Variants in ZFP64 observed in about 807,000 individuals in gnomAD.
ZFP64 encodes zinc finger protein 64.
A neutral mutation model predicts 51.6 loss-of-function variants in ZFP64; 14 were observed. The ratio of observed to expected loss-of-function variants is 0.27; its 90% CI spans 0.18 to 0.42. The LOEUF is 0.42. Ranked by LOEUF, ZFP64 falls within the 10% of genes least tolerant of loss-of-function variation. The pLI, the probability that ZFP64 is intolerant of heterozygous loss-of-function variation, is 1.00. For synonymous variants in ZFP64, 375 were observed against 361.4 expected, an observed-to-expected ratio of 1.04 and a Z score of -0.43; for missense variants, 754 against 906.8, an observed-to-expected ratio of 0.83 and a Z score of 2.16.
At chr20:52,119,533 A>ATATATATATATATATATATATATAT (rs1555802531) in intron 5 of ZFP64, among the ~76,000 whole-genome samples, 1 of 89,832 alleles carries the variant, frequency 1.1e-5, no homozygotes, top group African/African-American at 4.7e-5. Context: ...AAAAAAAAAA[A>ATATATATATATATATATATATATAT]ATATATATAT....
intron 2 of ZFP64, among the ~76,000 whole-genome samples, chr20:52,168,783 C>A (rs1187005165): frequency 6.6e-6 from 1 of 152,240 alleles, no homozygotes; most frequent in Non-Finnish European, 1.5e-5. Context: ...TAAGCAATTA[C>A]TTTTCATCTT....
chr20:52,099,005 C>CAAAAAAA (rs58670484), intron 5 of ZFP64, among the ~76,000 whole-genome samples: 139 of 116,602 alleles, frequency 1.2e-3, no homozygotes, highest in African/African-American at 4.3e-3. Flanking sequence ...CTGTCTTTAC[C>CAAAAAAA]AAAAAAAAAA....
At chr20:52,110,461 T>C (rs2122811040) in intron 5 of ZFP64, 6 of 656,904 alleles carry the variant, frequency 9.1e-6, no homozygotes, top group South Asian at 8.2e-5. Context: ...TGGAGATCCA[T>C]GTCATCTCTA....
intron 5 of ZFP64, among the ~76,000 whole-genome samples, chr20:52,119,715 GAA>G (rs1979083012): frequency 1.3e-5 from 2 of 150,998 alleles, no homozygotes; most frequent in African/African-American, 4.9e-5. Flanking sequence ...CAGTGACAGA[GAA>G]AGACTCTGTC....
chr20:52,164,633 A>T, intron 4 of ZFP64, 62 bp downstream of exon 4: 2 of 1,387,712 alleles, frequency 1.4e-6, no homozygotes, highest in South Asian at 1.2e-5. Context: ...ACCTATGTGG[A>T]TCCCCATCTC....
chr20:52,092,849 C>T (rs1265515901), intron 7 of ZFP64, among the ~76,000 whole-genome samples: 1 of 152,136 alleles, frequency 6.6e-6, no homozygotes, highest in African/African-American at 2.4e-5. Context: ...GGAAGACTGT[C>T]TCTCAAAAAC....
intron 2 of ZFP64, among the ~76,000 whole-genome samples, chr20:52,173,658 CT>C (rs1045102468): frequency 4.3e-5 from 6 of 140,286 alleles, no homozygotes; most frequent in African/African-American, 1.0e-4. Flanking sequence ...TTTTTTTTTT[CT>C]TTTTTTTTGA....
At chr20:52,137,234 T>C (rs1418985338) in intron 5 of ZFP64, among the ~76,000 whole-genome samples, 3 of 152,212 alleles carry the variant, frequency 2.0e-5, no homozygotes, top group Non-Finnish European at 4.4e-5. Context: ...GAAGCCCTGC[T>C]CTCTATCTGA....
At chr20:52,091,212 T>C (rs1367126166) in intron 7 of ZFP64, among the ~76,000 whole-genome samples, 1 of 152,024 alleles carries the variant, frequency 6.6e-6, no homozygotes, top group African/African-American at 2.4e-5. Flanking sequence ...AGATTTAAAT[T>C]ATAGGTCAGG....
chr20:52,132,336 C>G (rs1301137980), intron 5 of ZFP64, among the ~76,000 whole-genome samples: 3 of 151,122 alleles, frequency 2.0e-5, no homozygotes, highest in Admixed American at 1.3e-4. Flanking sequence ...CAAACCAAAC[C>G]CAAAATTAGT....
chr20:52,085,308 A>G lies in ZFP64; in HGVS notation c.1229-42T>C, dbSNP rs911560970. ...TGTTTCCATTAGAACAGGCAGGCAA[A>G]ACAGACCCTCCCACCCCAACCTGCC... is the stretch of plus-strand genomic sequence containing the variant. On this transcript the variant is annotated intron_variant, in intron 8 of 8. Coordinates refer to the ZFP64 transcript ENST00000361387. The surrounding 1 kb of genome is among the most constrained non-coding windows in gnomAD (Gnocchi z 4.3). The G allele has an allele frequency of 1.3e-6, 2 of 1,547,086 alleles. No homozygotes were observed. Among genetic ancestry groups the G allele is most frequent in the South Asian group, 2.5e-5 (2 of 80,278 alleles).
At chr20:52,096,245 C>T (rs911923801) in intron 7 of ZFP64, among the ~76,000 whole-genome samples, 13 of 152,192 alleles carry the variant, frequency 8.5e-5, no homozygotes, top group Non-Finnish European at 1.5e-4. Context: ...GACTAAGTCC[C>T]GCTCATGTTC....
chr20:52,185,773 G>T (rs1045290429), intron 2 of ZFP64, among the ~76,000 whole-genome samples: 1 of 151,834 alleles, frequency 6.6e-6, no homozygotes, highest in African/African-American at 2.4e-5. Flanking sequence ...TAGAGACAGG[G>T]TTTTACCATG....
chr20:52,105,490 C>A, intron 5 of ZFP64: 3 of 522,014 alleles, frequency 5.7e-6, no homozygotes, highest in Middle Eastern at 1.0e-3. Flanking sequence ...GAAATGCAGA[C>A]TCTCGGGCTC....
chr20:52,188,308 CTTTTTTTTTTT>C (rs1164512289), intron 1 of ZFP64, among the ~76,000 whole-genome samples: 2 of 104,224 alleles, frequency 1.9e-5, no homozygotes, highest in Non-Finnish European at 2.0e-5. Flanking sequence ...CTTTTTCTTT[CTTTTTTTTTTT>C]TTTTTTTTTT....
At chr20:52,130,159 T>C (rs894167393) in intron 5 of ZFP64, among the ~76,000 whole-genome samples, 2 of 152,166 alleles carry the variant, frequency 1.3e-5, no homozygotes, top group African/African-American at 4.8e-5. Flanking sequence ...CCCTCCACCC[T>C]GCCATGGCAC....
In ZFP64 at chr20:52,160,019, G is replaced by T; in HGVS notation, c.763+104C>A. On this transcript the variant is annotated intron_variant, in intron 5 of 5. Transcript: ENST00000216923. This position sits in a 1 kb window ranked among gnomAD's most constrained non-coding sequence, Gnocchi z 4.2. ...ACTGCAAACAACGGGATGAGCAAAG[G>T]TTCCAACTCGATTTCTTACATTGTG... 1 of 1,558,162 alleles carries T rather than the reference G, an allele frequency of 6.4e-7. No homozygotes were observed. The highest frequency in any genetic ancestry group is 1.9e-5 in the Admixed American group (1 of 51,928).
rs1156545584 is a variant in ZFP64 at position 52,144,578 on chromosome 20, CAAAAAA to C, written c.763+15539_763+15544del. Among the ~76,000 whole-genome samples the C allele has an allele frequency of 3.4e-3, 80 of 23,324 alleles. 3 individuals are homozygous for C. The highest frequency in any genetic ancestry group is 0.013 in the African/African-American group (70 of 5,538). 15.3% of individuals were successfully genotyped at this position (23,324 alleles called of 152,430 possible). The stretch of plus-strand genomic sequence containing the variant: ...CTGGTGACAGAGCGAGACTCCGTCT[CAAAAAA>C]AAAAAAAAAAAAAAAAAATGCTGAA... On this transcript the variant is annotated intron_variant, in intron 5 of 8. Coordinates refer to the ZFP64 transcript ENST00000361387.
chr20:52,120,722 G>T (rs892684694), intron 5 of ZFP64, among the ~76,000 whole-genome samples: 6 of 129,100 alleles, frequency 4.6e-5, no homozygotes, highest in African/African-American at 1.8e-4. Context: ...TGTCACCCAG[G>T]CTGGAGTGCA....
Sources: allele counts gnomAD v4.1 joint callset (sites outside exome capture counted in the v4.1 genomes callset), GRCh38; gene constraint gnomAD v4.1.1; non-coding constraint Gnocchi (gnomAD v3.1); transcripts MANE v1.5; gene names NCBI Gene and HGNC (gene_info 2026-07-23, HGNC 2026-07-21).